PDLIM5: variants seen among roughly 807,000 people sequenced by gnomAD.
PDLIM5 encodes the protein PDZ and LIM domain 5, also known as PDZ and LIM domain protein 5.
In PDLIM5, 34 loss-of-function variants were observed where a neutral mutation model predicts 64.2. The observed-to-expected ratio is 0.53, with a 90% CI of 0.40 to 0.71. The LOEUF is 0.71. Ranked by LOEUF, PDLIM5 falls within the 30% of genes least tolerant of loss-of-function variation. PDLIM5 has a pLI of 0.00. For missense variants in PDLIM5, 683 were observed against 733.6 expected, an observed-to-expected ratio of 0.93 and a Z score of 0.80; for synonymous variants, 253 against 269.1, an observed-to-expected ratio of 0.94 and a Z score of 0.59.
intron 2 of PDLIM5, among the ~76,000 whole-genome samples, chr4:94,458,577 T>G (rs1447047936): frequency 6.6e-6 from 1 of 152,180 alleles, no homozygotes; most frequent in Non-Finnish European, 1.5e-5. Context: ...TCTTTAGAGT[T>G]CAAAACTGTG....
At chr4:94,581,753 A>C (rs1560718489) in intron 5 of PDLIM5, among the ~76,000 whole-genome samples, 2 of 152,198 alleles carry the variant, frequency 1.3e-5, no homozygotes, top group African/African-American at 4.8e-5. Context: ...TTCTTTGGCA[A>C]ACTATACAGT....
At chr4:94,587,637 G>A (rs1736342240) in intron 7 of PDLIM5, 9 of 978,846 alleles carry the variant, frequency 9.2e-6, no homozygotes, top group Non-Finnish European at 9.7e-6. Context: ...TTTTAAAGTA[G>A]GTACTATTCA....
At chr4:94,562,120 A>G (rs1733903280) in intron 3 of PDLIM5, among the ~76,000 whole-genome samples, 1 of 152,182 alleles carries the variant, frequency 6.6e-6, no homozygotes, top group African/African-American at 2.4e-5. Context: ...TTTCACTGCA[A>G]TTCAGTGGAC....
chr4:94,601,808 A>G (rs1287491691), intron 7 of PDLIM5, among the ~76,000 whole-genome samples: 1 of 152,206 alleles, frequency 6.6e-6, no homozygotes, highest in African/African-American at 2.4e-5. Context: ...TAATAAATGG[A>G]TAGCTTATGA....
At chr4:94,648,779 G>A (rs747897750) in intron 9 of PDLIM5, among the ~76,000 whole-genome samples, 22 of 152,122 alleles carry the variant, frequency 1.4e-4, no homozygotes, top group African/African-American at 3.4e-4. Flanking sequence ...TGGGACTGAC[G>A]TCCTTATAGG....
At chr4:94,610,447 G>T in intron 7 of PDLIM5, 2 of 436,986 alleles carry the variant, frequency 4.6e-6, no homozygotes, top group South Asian at 7.9e-5. Flanking sequence ...ATTTTATCTA[G>T]GTTGTGGATA....
chr4:94,533,102 A>C (rs1005273733), intron 3 of PDLIM5, among the ~76,000 whole-genome samples: 1 of 152,220 alleles, frequency 6.6e-6, no homozygotes, highest in Non-Finnish European at 1.5e-5. Context: ...GACATAGAAA[A>C]TAAGTATTTA....
chr4:94,459,664 G>A (rs1366735572), intron 2 of PDLIM5, among the ~76,000 whole-genome samples: 4 of 152,186 alleles, frequency 2.6e-5, no homozygotes, highest in Non-Finnish European at 5.9e-5. Flanking sequence ...AGACAGTGTC[G>A]TAAGACCTGT....
At chr4:94,561,671 T>G (rs1361939805) in intron 3 of PDLIM5, among the ~76,000 whole-genome samples, 1 of 152,188 alleles carries the variant, frequency 6.6e-6, no homozygotes, top group Non-Finnish European at 1.5e-5. Context: ...AGGGGATCCT[T>G]GGAGCCAAAG....
intron 9 of PDLIM5, among the ~76,000 whole-genome samples, chr4:94,652,159 A>C (rs1197528152): frequency 6.6e-6 from 1 of 152,244 alleles, no homozygotes; most frequent in Non-Finnish European, 1.5e-5. Context: ...GGTACATACC[A>C]ACACTTATGC....
At chr4:94,623,418 A>G (rs966034483) in intron 8 of PDLIM5, among the ~76,000 whole-genome samples, 1 of 152,074 alleles carries the variant, frequency 6.6e-6, no homozygotes, top group Admixed American at 6.5e-5. Flanking sequence ...ACTTCTCTTT[A>G]CCTTTTAAGA....
chr4:94,587,274 A>G, intron 7 of PDLIM5: 1 of 1,271,664 alleles, frequency 7.9e-7, no homozygotes, highest in South Asian at 2.3e-5. Flanking sequence ...TAGCTCACAA[A>G]TGTAAAACCA....
intron 2 of PDLIM5, among the ~76,000 whole-genome samples, chr4:94,512,618 A>G (rs1276129180): frequency 8.3e-6 from 1 of 120,614 alleles, no homozygotes. Flanking sequence ...TTGGATTATT[A>G]GATTTTTTTT....
rs1448611853 is a variant in PDLIM5 at position 94,667,114 on chromosome 4, T to C, written c.*3047T>C. 1 of 152,234 alleles carries C rather than the reference T, an allele frequency of 6.6e-6. No individual in the cohort carries two copies. Among genetic ancestry groups the C allele is most frequent in the Non-Finnish European group, 1.5e-5 (1 of 68,048 alleles). The allele number at this position is 152,234 out of a possible 1,614,324, so 9.4% of individuals were successfully genotyped here. A position where few individuals can be genotyped will look rare whatever the true frequency, so the allele number is the denominator to read the frequency against. On this transcript the variant is annotated 3_prime_UTR_variant, in exon 13 of 13. Coordinates refer to ENST00000317968, the MANE Select transcript of PDLIM5 (RefSeq NM_006457.5). ...ACTTTTAGTCTCTAGATGTATATTT[T>C]GGAATGCTGTACTTGGCATAACATA... is the stretch of plus-strand genomic sequence containing the variant.
Position 94,662,434 on chromosome 4 carries a change from T to C in PDLIM5, c.1598T>C (p.Leu533Pro). The C allele has an allele frequency of 6.6e-7, 1 of 1,524,240 alleles. No individual in the cohort carries two copies. Among genetic ancestry groups the C allele is most frequent in the South Asian group, 1.1e-5 (1 of 89,232 alleles). The allele number at this position is 1,524,240 out of a possible 1,614,324, so 94.4% of individuals were successfully genotyped here. ...EPYCETDYYALFGTICHGCEF... is the reference protein window; with the variant it reads ...EPYCETDYYAPFGTICHGCEF... ...TCCCTTAATACAGATTATTATGCCC[T>C]CTTTGGTACTATATGCCATGGATGT... Residue 533 changes from leucine (L) to proline (P), a missense_variant, in exon 12 of 13, where the codon CTC becomes CCC. Transcript: ENST00000317968.
At chr4:94,632,183 C>A (rs1740211217) in intron 8 of PDLIM5, among the ~76,000 whole-genome samples, 1 of 152,208 alleles carries the variant, frequency 6.6e-6, no homozygotes, top group African/African-American at 2.4e-5. Flanking sequence ...TCTTTAAACT[C>A]AGTAAGGGCA....
At chr4:94,610,069 A>C (rs974407757) in intron 7 of PDLIM5, 1 of 667,210 alleles carries the variant, frequency 1.5e-6, no homozygotes, top group African/African-American at 1.8e-5. Flanking sequence ...CTTAGATATT[A>C]ATATGAAATG....
At chr4:94,500,306 A>AATTTTTGT (rs1402855751) in intron 2 of PDLIM5, among the ~76,000 whole-genome samples, 2 of 152,214 alleles carry the variant, frequency 1.3e-5, no homozygotes, top group African/African-American at 4.8e-5. Flanking sequence ...AGAGCATCTG[A>AATTTTTGT]AACCTTGTAA....
chr4:94,459,388 A>G (rs1723669463), intron 2 of PDLIM5, among the ~76,000 whole-genome samples: 1 of 152,216 alleles, frequency 6.6e-6, no homozygotes, highest in Admixed American at 6.5e-5. Flanking sequence ...TTTGATTCTC[A>G]AGAGTTAGGG....
Sources: allele counts gnomAD v4.1 joint callset (sites outside exome capture counted in the v4.1 genomes callset), GRCh38; gene constraint gnomAD v4.1.1; transcripts MANE v1.5; gene names NCBI Gene and HGNC (gene_info 2026-07-23, HGNC 2026-07-21).